The following TUBB3 variants were observed in gnomAD, a reference collection of about 807,000 sequenced individuals.
TUBB3 encodes the protein tubulin beta 3 class III.
TUBB3 carries 17 observed loss-of-function variants against 37.8 expected under a neutral mutation model. The observed-to-expected ratio is 0.45, with a 90% CI of 0.31 to 0.67. The LOEUF is 0.67. Among genes scored for constraint, TUBB3 ranks in the 30% least tolerant of loss-of-function variants. The pLI is 0.07. For missense variants in TUBB3, 262 were observed against 657.9 expected, an observed-to-expected ratio of 0.40 and a Z score of 6.58; for synonymous variants, 332 against 278.9, an observed-to-expected ratio of 1.19 and a Z score of -1.90.
chr16:89,930,490 C>A (rs1201403258), intron 1 of TUBB3, among the ~76,000 whole-genome samples: 1 of 152,034 alleles, frequency 6.6e-6, no homozygotes, highest in Non-Finnish European at 1.5e-5. Context: ...GTGGTGCAAT[C>A]TTGGCTTACT....
rs754239056 is a variant in TUBB3 at position 89,934,800 on chromosome 16, C to T, written c.349C>T (p.Leu117=). 1.2e-6 allele frequency: 2 copies of T among 1,614,142 alleles called. No homozygotes were observed. Among genetic ancestry groups the T allele is most frequent in the Middle Eastern group, 1.6e-4 (1 of 6,062 alleles). ...GGGGGCGGAGCTGGTGGATTCGGTCCTGGATGTGGTGCGGAAGGAGTGTGA... is the reference window on the plus strand; with the variant it reads ...GGGGGCGGAGCTGGTGGATTCGGTCTTGGATGTGGTGCGGAAGGAGTGTGA... ...TEGAELVDSV[L]DVVRKECENC... Residue 117 remains leucine, a synonymous_variant, in exon 4 of 4, where the codon CTG becomes TTG. Transcript: ENST00000315491.
In TUBB3 at chr16:89,933,587, C is replaced by G. The variant is rs1187605021; in HGVS notation, c.277+9C>G. On this transcript the variant is annotated intron_variant, in intron 3 of 3. Coordinates refer to ENST00000315491, the MANE Select transcript of TUBB3 (RefSeq NM_006086.4). ...TGACAATTTCATCTTTGGTAAGTTC[C>G]CCCTGCTCCAAGCTCTGATGGCAGA... is the stretch of plus-strand genomic sequence containing the variant. The G allele has an allele frequency of 6.2e-7, 1 of 1,608,772 alleles. No individual in the cohort carries two copies. Among genetic ancestry groups the G allele is most frequent in the Non-Finnish European group, 8.5e-7 (1 of 1,175,182 alleles).
chr16:89,922,310 GT>G (rs2144397200), upstream of TUBB3: 1 of 152,496 alleles, frequency 6.6e-6, no homozygotes, highest in South Asian at 2.1e-4. Flanking sequence ...GGGTTCGTCT[GT>G]ACATCGTGCA....
upstream of TUBB3, among the ~76,000 whole-genome samples, chr16:89,923,012 C>A (rs946706081): frequency 6.6e-6 from 1 of 152,244 alleles, no homozygotes; most frequent in Non-Finnish European, 1.5e-5. Flanking sequence ...AAGGGCGGAA[C>A]CGAGAGGGTA....
chr16:89,933,237 C>T (rs1298172273), intron 2 of TUBB3: 1 of 694,490 alleles, frequency 1.4e-6, no homozygotes, highest in African/African-American at 1.7e-5. Flanking sequence ...GGACGTCTGA[C>T]TGAATCCTGC....
intron 1 of TUBB3, among the ~76,000 whole-genome samples, chr16:89,927,639 C>G (rs749026893): frequency 5.3e-5 from 8 of 152,164 alleles, no homozygotes; most frequent in African/African-American, 7.2e-5. Context: ...AACATTTGAA[C>G]AAAATGAAGC....
chr16:89,926,319 C>T (rs1379900875), intron 1 of TUBB3, among the ~76,000 whole-genome samples: 1 of 152,212 alleles, frequency 6.6e-6, no homozygotes, highest in Non-Finnish European at 1.5e-5. Flanking sequence ...CCCTGGCTCG[C>T]CCCGCCCTCT....
intron 1 of TUBB3, chr16:89,932,071 G>T: frequency 3.5e-6 from 1 of 289,056 alleles, no homozygotes; most frequent in Non-Finnish European, 6.9e-6. Flanking sequence ...ACCATCACTG[G>T]ACATGGTTTG....
At chr16:89,923,197 G>A (rs1362602572), upstream of TUBB3, 2 of 211,192 alleles carry the variant, frequency 9.5e-6, no homozygotes, top group South Asian at 1.8e-4. Flanking sequence ...CGCATTGCGC[G>A]CGGCGGGCGG....
chr16:89,924,401 G>A (rs2029998016), intron 1 of TUBB3, among the ~76,000 whole-genome samples: 1 of 152,170 alleles, frequency 6.6e-6, no homozygotes, highest in African/African-American at 2.4e-5. Context: ...GCTCGGGCGG[G>A]GCGGGTTGGG....
chr16:89,927,636 G>C (rs1281289089), intron 1 of TUBB3, among the ~76,000 whole-genome samples: 1 of 152,122 alleles, frequency 6.6e-6, no homozygotes, highest in Non-Finnish European at 1.5e-5. Context: ...TAAAACATTT[G>C]AACAAAATGA....
chr16:89,930,898 G>C (rs188748375), intron 1 of TUBB3, among the ~76,000 whole-genome samples: 51 of 151,302 alleles, frequency 3.4e-4, no homozygotes, highest in African/African-American at 1.2e-3. Flanking sequence ...CATGATCTCA[G>C]CTCACTGCAA....
At position 89,923,422 on chromosome 16, in the gene TUBB3, C is replaced by A. The variant is rs1360904972; in HGVS notation, c.21C>A (p.Ile7=). Residue 7 remains isoleucine, a synonymous_variant, in exon 1 of 4, where the codon ATC becomes ATA. Transcript: ENST00000315491. MREIVH[I]QAGQCGNQIG... ...CCAGTATGAGGGAGATCGTGCACAT[C>A]CAGGCCGGCCAGTGCGGCAACCAGA... The A allele has an allele frequency of 6.6e-7, 1 of 1,512,216 alleles. No homozygotes were observed. Among genetic ancestry groups the A allele is most frequent in the Non-Finnish European group, 8.9e-7 (1 of 1,129,828 alleles). 93.7% of individuals were successfully genotyped at this position (1,512,216 alleles called of 1,614,324 possible). A position where few individuals can be genotyped will look rare whatever the true frequency, so the allele number is the denominator to read the frequency against.
intron 1 of TUBB3, among the ~76,000 whole-genome samples, chr16:89,924,156 G>C (rs1260112378): frequency 6.6e-6 from 1 of 152,236 alleles, no homozygotes; most frequent in Non-Finnish European, 1.5e-5. Context: ...CGGGCTGTGG[G>C]GTGTGGAGGC....
chr16:89,931,907 C>G (rs552673416), intron 1 of TUBB3: 1 of 378,444 alleles, frequency 2.6e-6, no homozygotes, highest in Non-Finnish European at 5.4e-6. Context: ...TGAGACGATG[C>G]CAGCCTCACA....
Position 89,923,805 on chromosome 16 carries a change from C to T in TUBB3, c.57+347C>T, listed in dbSNP as rs562320123. Among the ~76,000 whole-genome samples, 270 of 152,272 alleles carry T rather than the reference C, an allele frequency of 1.8e-3. 1 individual carries two copies. The highest frequency in any genetic ancestry group is 5.7e-3 in the African/African-American group (239 of 41,568). Reference sequence around the variant, plus strand: ...CTGGGCGTGGCCCTCTTTTTTGGGGCCGCGGCATAGCCTTGAGTGAGACGG... The same window carrying T: ...CTGGGCGTGGCCCTCTTTTTTGGGGTCGCGGCATAGCCTTGAGTGAGACGG... On this transcript the variant is annotated intron_variant, in intron 1 of 3. Coordinates refer to ENST00000315491, the MANE Select transcript of TUBB3 (RefSeq NM_006086.4).
intron 1 of TUBB3, among the ~76,000 whole-genome samples, chr16:89,925,427 T>TAA (rs36088141): frequency 0.022 from 2,991 of 137,104 alleles, 46 homozygotes; most frequent in African/African-American, 0.034. Context: ...CTCCGTTTCT[T>TAA]AAAAAAAAAA....
At chr16:89,923,128 G>T (rs1373468706), upstream of TUBB3, among the ~76,000 whole-genome samples, 2 of 152,014 alleles carry the variant, frequency 1.3e-5, no homozygotes, top group East Asian at 3.9e-4. Context: ...TCGAATGCGC[G>T]GGGCCCTCAG....
At chr16:89,930,683 G>A (rs1347813425) in intron 1 of TUBB3, among the ~76,000 whole-genome samples, 1 of 152,138 alleles carries the variant, frequency 6.6e-6, no homozygotes, top group Non-Finnish European at 1.5e-5. Flanking sequence ...ACAGGCGTGA[G>A]CCACCGCACC....
Sources: gnomAD v4.1 joint callset for allele counts (sites outside exome capture counted in the v4.1 genomes callset) on GRCh38, gnomAD v4.1.1 for gene constraint, MANE v1.5 for transcripts, NCBI Gene and HGNC (gene_info 2026-07-23, HGNC 2026-07-21) for gene names.